The following DSCAM variants were observed in gnomAD, a reference collection of about 807,000 sequenced individuals.
DSCAM encodes DS cell adhesion molecule.
Under a neutral mutation model 217.7 loss-of-function variants are expected in DSCAM, and 47 were observed. The ratio of observed to expected loss-of-function variants is 0.22; its 90% CI spans 0.17 to 0.28. The LOEUF is 0.28. DSCAM is among the 10% of genes least tolerant of loss of function. The probability of loss-of-function intolerance (pLI) is 1.00; values close to 1 mark genes in which losing one functional copy is unlikely to be tolerated. For synonymous variants in DSCAM, 1,056 were observed against 1,015.3 expected (o/e 1.04, Z -0.76); for missense variants, 2,080 against 2,618.3 (o/e 0.79, Z 4.49).
At chr21:40,323,572 T>C (rs750237233) in intron 8 of DSCAM, among the ~76,000 whole-genome samples, 1 of 152,214 alleles carries the variant, frequency 6.6e-6, no homozygotes, top group Non-Finnish European at 1.5e-5. Context: ...TTTAAAATTG[T>C]TGCTCACTAA....
intron 27 of DSCAM, among the ~76,000 whole-genome samples, chr21:40,064,141 T>C (rs945912929): frequency 1.3e-5 from 2 of 150,968 alleles, no homozygotes; most frequent in Non-Finnish European, 2.9e-5. Flanking sequence ...TATGTGCTTA[T>C]ATATACTTCA....
chr21:40,331,812 T>C (rs1323740959), intron 8 of DSCAM, among the ~76,000 whole-genome samples: 1 of 152,236 alleles, frequency 6.6e-6, no homozygotes, highest in East Asian at 1.9e-4. Context: ...CATTCACTTT[T>C]AAAAATCCTC....
chr21:40,133,038 T>G (rs1227533913), intron 19 of DSCAM, among the ~76,000 whole-genome samples: 3 of 152,204 alleles, frequency 2.0e-5, no homozygotes, highest in Non-Finnish European at 4.4e-5. Context: ...TCTCAATGTA[T>G]ACTTCTGTGC....
chr21:40,825,954 A>T (rs2091965183), intron 1 of DSCAM, among the ~76,000 whole-genome samples: 1 of 152,198 alleles, frequency 6.6e-6, no homozygotes. Flanking sequence ...TTTAAACAAC[A>T]TTCATTGGTT....
At chr21:40,760,444 G>C (rs1416845995) in intron 1 of DSCAM, among the ~76,000 whole-genome samples, 1 of 152,184 alleles carries the variant, frequency 6.6e-6, no homozygotes, top group Admixed American at 6.5e-5. Context: ...GGAGCCACAG[G>C]TCATACTGAG....
At chr21:40,046,862 G>A (rs1236977392) in intron 30 of DSCAM, among the ~76,000 whole-genome samples, 3 of 151,674 alleles carry the variant, frequency 2.0e-5, no homozygotes, top group Non-Finnish European at 4.4e-5. Context: ...CATTTCTTCT[G>A]CTTGAGCTCA....
chr21:40,055,988 G>A (rs544635744), intron 28 of DSCAM, 148 bp from the exon 29 acceptor site: 175 of 507,764 alleles, frequency 3.4e-4, no homozygotes, highest in Admixed American at 1.4e-3. Context: ...CTATGAAAAC[G>A]TTTCCTTCAT....
At chr21:40,141,685 C>A (rs2090292491) in intron 18 of DSCAM, among the ~76,000 whole-genome samples, 1 of 151,930 alleles carries the variant, frequency 6.6e-6, no homozygotes, top group Non-Finnish European at 1.5e-5. Context: ...CAGGAGGGGG[C>A]TGGAAATGGA....
At chr21:40,577,097 C>A (rs909846784) in intron 3 of DSCAM, among the ~76,000 whole-genome samples, 1 of 151,312 alleles carries the variant, frequency 6.6e-6, no homozygotes, top group Non-Finnish European at 1.5e-5. Flanking sequence ...TAAATTAATT[C>A]ATCCATTCAT....
intron 3 of DSCAM, among the ~76,000 whole-genome samples, chr21:40,499,561 C>T (rs966080640): frequency 6.6e-6 from 1 of 152,178 alleles, no homozygotes; most frequent in African/African-American, 2.4e-5. Context: ...TATGATCCAA[C>T]GTGCCCATTA....
At chr21:40,332,771 C>T (rs1051995946) in intron 8 of DSCAM, among the ~76,000 whole-genome samples, 2 of 152,014 alleles carry the variant, frequency 1.3e-5, no homozygotes, top group Admixed American at 1.3e-4. Flanking sequence ...CTTCAACCAC[C>T]ATCAATAATA....
intron 3 of DSCAM, among the ~76,000 whole-genome samples, chr21:40,532,912 A>G (rs750016825): frequency 1.2e-4 from 16 of 135,684 alleles, no homozygotes; most frequent in Admixed American, 2.9e-4. Context: ...GTGTGTGTGC[A>G]CACGCACGCG....
chr21:40,091,368 A>AC (rs1248315629), intron 21 of DSCAM, among the ~76,000 whole-genome samples: 1 of 151,890 alleles, frequency 6.6e-6, no homozygotes, highest in African/African-American at 2.4e-5. Context: ...CGTCTCTGGG[A>AC]CCACTGTTCC....
chr21:40,295,352 C>A (rs892817806), intron 10 of DSCAM, among the ~76,000 whole-genome samples: 5 of 152,140 alleles, frequency 3.3e-5, no homozygotes, highest in African/African-American at 9.7e-5. Context: ...CCCTAATGAA[C>A]AGAAATTGTT....
At chr21:40,377,190 G>A (rs1395961354) in intron 3 of DSCAM, among the ~76,000 whole-genome samples, 1 of 152,160 alleles carries the variant, frequency 6.6e-6, no homozygotes, top group Non-Finnish European at 1.5e-5. Flanking sequence ...ACCCCAAGAG[G>A]AAGATACTGT....
At chr21:40,125,828 A>G (rs2090087213) in intron 19 of DSCAM, among the ~76,000 whole-genome samples, 1 of 152,214 alleles carries the variant, frequency 6.6e-6, no homozygotes, top group Admixed American at 6.5e-5. Context: ...CTCCTGAACA[A>G]CAAGGGCAGA....
At chr21:40,422,092 G>C (rs1480628055) in intron 3 of DSCAM, among the ~76,000 whole-genome samples, 1 of 152,196 alleles carries the variant, frequency 6.6e-6, no homozygotes, top group Non-Finnish European at 1.5e-5. Flanking sequence ...TGCATGTCCT[G>C]CTCATGCCCA....
At chr21:40,624,878 T>A (rs994080361) in intron 3 of DSCAM, among the ~76,000 whole-genome samples, 6 of 152,206 alleles carry the variant, frequency 3.9e-5, no homozygotes, top group Non-Finnish European at 8.8e-5. Context: ...AATTGAATGA[T>A]AATCTAAATA....
chr21:40,560,548 T>TG (rs1265754092), intron 3 of DSCAM, among the ~76,000 whole-genome samples: 1 of 152,212 alleles, frequency 6.6e-6, no homozygotes, highest in Non-Finnish European at 1.5e-5. Flanking sequence ...CGACTTACAG[T>TG]GGGATTATGT....
Sources: gnomAD v4.1 joint callset for allele counts (sites outside exome capture counted in the v4.1 genomes callset) on GRCh38, gnomAD v4.1.1 for gene constraint, MANE v1.5 for transcripts, NCBI Gene and HGNC (gene_info 2026-07-23, HGNC 2026-07-21) for gene names.